The following FAM228B variants were observed in gnomAD, a reference collection of about 807,000 sequenced individuals.
The protein encoded by FAM228B is protein FAM228B.
Under a neutral mutation model 42.6 loss-of-function variants are expected in FAM228B, and 38 were observed. That is an observed-to-expected ratio of 0.89 (90% CI 0.69 to 1.17). The LOEUF is 1.17. Among genes scored for constraint, FAM228B ranks in the 50% most tolerant of loss-of-function variants. The probability of loss-of-function intolerance (pLI) is 0.00; values close to 1 mark genes in which losing one functional copy is unlikely to be tolerated. For missense variants in FAM228B, 344 were observed against 367.3 expected (o/e 0.94, Z 0.52); for synonymous variants, 109 against 122.3 (o/e 0.89, Z 0.72).
At chr2:24,138,812 G>C (rs931081371) in intron 4 of FAM228B, among the ~76,000 whole-genome samples, 42 of 151,766 alleles carry the variant, frequency 2.8e-4, no homozygotes, top group African/African-American at 9.9e-4. Context: ...CAGGCATGGT[G>C]GTGGGTGCCT....
At chr2:24,111,116 A>G (rs1011324793) in intron 3 of FAM228B, among the ~76,000 whole-genome samples, 1 of 151,864 alleles carries the variant, frequency 6.6e-6, no homozygotes, top group Non-Finnish European at 1.5e-5. Flanking sequence ...GCTAGAATAT[A>G]GTGGCATGAT....
intron 3 of FAM228B, among the ~76,000 whole-genome samples, chr2:24,097,657 A>G (rs12472421): frequency 0.28 from 42,717 of 151,924 alleles, 6,483 homozygotes; most frequent in South Asian, 0.39. Context: ...CCTACAAAGA[A>G]ACTTAGACTT....
At chr2:24,164,924 C>T (rs1384875137) in intron 9 of FAM228B, among the ~76,000 whole-genome samples, 1 of 151,872 alleles carries the variant, frequency 6.6e-6, no homozygotes, top group Non-Finnish European at 1.5e-5. Context: ...CTCTGTGGAC[C>T]CTGGAGTAGG....
intron 7 of FAM228B, among the ~76,000 whole-genome samples, chr2:24,157,678 C>T (rs2151029022): frequency 6.6e-6 from 1 of 151,382 alleles, no homozygotes; most frequent in South Asian, 2.1e-4. Flanking sequence ...GCAGAAGTTG[C>T]AGTGAGCCGA....
chr2:24,126,309 C>T (rs977409153), intron 2 of FAM228B, among the ~76,000 whole-genome samples: 3 of 152,190 alleles, frequency 2.0e-5, no homozygotes, highest in African/African-American at 7.2e-5. Context: ...CCAGTTGTTT[C>T]ATAATCTAGC....
At chr2:24,124,111 G>A in intron 1 of FAM228B, 1 of 323,482 alleles carries the variant, frequency 3.1e-6, no homozygotes. Context: ...TCCATTCCAA[G>A]GGACGGGGGA....
At chr2:24,138,219 C>G (rs1174260415) in intron 4 of FAM228B, 119 bp downstream of exon 4, 2 of 699,714 alleles carry the variant, frequency 2.9e-6, no homozygotes, top group African/African-American at 3.7e-5. Context: ...CATCTATACC[C>G]TGTTACATAA....
rs888100965 is a variant in FAM228B, at chr2:24,077,398, A to G, written c.-290+429A>G. 2 of 649,468 alleles carry G rather than the reference A, an allele frequency of 3.1e-6. No homozygotes were observed. The highest frequency in any genetic ancestry group is 3.6e-5 in the African/African-American group (2 of 54,860). The allele number at this position is 649,468 out of a possible 1,614,324, so 40.2% of individuals were successfully genotyped here. On this transcript the variant is annotated intron_variant, in intron 1 of 10. Coordinates refer to the FAM228B transcript ENST00000613899. This position sits in a 1 kb window ranked among gnomAD's most constrained non-coding sequence, Gnocchi z 5.5. ...GACGCCCGTCCGGACTCCCACCTCA[A>G]CCCCGCCGCGGCGGCCCCAGTCCGC...
intron 7 of FAM228B, among the ~76,000 whole-genome samples, chr2:24,149,568 G>A (rs1475323765): frequency 6.6e-6 from 1 of 152,060 alleles, no homozygotes; most frequent in Non-Finnish European, 1.5e-5. Context: ...GAGTAGCTGT[G>A]ACTACAGGCA....
At chr2:24,087,067 A>G (rs1331615041) in intron 2 of FAM228B, among the ~76,000 whole-genome samples, 2 of 152,240 alleles carry the variant, frequency 1.3e-5, no homozygotes, top group Admixed American at 6.5e-5. Flanking sequence ...ACCACTAAGT[A>G]TACTAAAGTA....
intron 3 of FAM228B, among the ~76,000 whole-genome samples, chr2:24,097,774 C>T (rs2150994744): frequency 6.6e-6 from 1 of 152,320 alleles, no homozygotes; most frequent in Admixed American, 6.5e-5. Context: ...AGCCCTGCAA[C>T]AAGCAGACCT....
intron 7 of FAM228B, among the ~76,000 whole-genome samples, chr2:24,148,563 CT>C (rs952522907): frequency 6.6e-6 from 1 of 150,760 alleles, no homozygotes; most frequent in African/African-American, 2.4e-5. Context: ...GTCTTGATAC[CT>C]TTTTTTTTAA....
At chr2:24,088,419 C>T (rs1573728871) in intron 2 of FAM228B, among the ~76,000 whole-genome samples, 1 of 152,148 alleles carries the variant, frequency 6.6e-6, no homozygotes, top group South Asian at 2.1e-4. Flanking sequence ...GGGGTGATCT[C>T]GGCTCACTGC....
At chr2:24,090,842 G>A (rs773925466) in intron 2 of FAM228B, among the ~76,000 whole-genome samples, 6 of 152,128 alleles carry the variant, frequency 3.9e-5, no homozygotes, top group Non-Finnish European at 8.8e-5. Flanking sequence ...CCATGCTGGA[G>A]TGCAGTGTTG....
At chr2:24,099,771 A>G (rs972537874) in intron 3 of FAM228B, among the ~76,000 whole-genome samples, 1 of 152,224 alleles carries the variant, frequency 6.6e-6, no homozygotes, top group African/African-American at 2.4e-5. Flanking sequence ...AAACTACTTT[A>G]AAGATCATAT....
chr2:24,096,255 A>G (rs1053273481), intron 3 of FAM228B: 3 of 152,350 alleles, frequency 2.0e-5, no homozygotes, highest in Admixed American at 1.3e-4. Flanking sequence ...CTCGCCAGCA[A>G]AGAGACAAAG....
intron 1 of FAM228B, among the ~76,000 whole-genome samples, chr2:24,078,080 T>C (rs1347446884): frequency 6.6e-6 from 1 of 152,110 alleles, no homozygotes; most frequent in Non-Finnish European, 1.5e-5. Flanking sequence ...ACCCTCCCCA[T>C]ACTAGGGCAA....
rs760904856 is a variant in FAM228B at position 24,081,049 on chromosome 2, G to A, written c.-210+94G>A. On this transcript the variant is annotated intron_variant, in intron 2 of 10. Transcript: ENST00000613899. Reference sequence around the variant, plus strand: ...AACATTTCCTGTGACAGAAAGTACAGGGTTCTCTTTACTTTGCAACTGCTA... The same window carrying A: ...AACATTTCCTGTGACAGAAAGTACAAGGTTCTCTTTACTTTGCAACTGCTA... 9.3e-6 allele frequency: 15 copies of A among 1,606,378 alleles called. No individual in the cohort carries two copies. In the South Asian group the frequency reaches 1.5e-4, roughly 17 times the overall value.
intron 5 of FAM228B, among the ~76,000 whole-genome samples, chr2:24,140,357 A>G (rs527494014): frequency 6.1e-4 from 93 of 152,002 alleles, no homozygotes; most frequent in Admixed American, 9.8e-4. Context: ...TTGTATTTTT[A>G]GTAGAGATGA....
Sources: allele counts gnomAD v4.1 joint callset (sites outside exome capture counted in the v4.1 genomes callset), GRCh38; gene constraint gnomAD v4.1.1; non-coding constraint Gnocchi (gnomAD v3.1); transcripts MANE v1.5; gene names NCBI Gene and HGNC (gene_info 2026-07-23, HGNC 2026-07-21).